Variants in GPC6 observed in about 807,000 individuals in gnomAD.
GPC6 encodes the protein glypican 6, also known as glypican-6.
A neutral mutation model predicts 55.2 loss-of-function variants in GPC6; 14 were observed. The ratio of observed to expected loss-of-function variants is 0.25; its 90% CI spans 0.17 to 0.40. The LOEUF is 0.40. Among genes scored for constraint, GPC6 ranks in the 10% least tolerant of loss-of-function variants. The pLI, the probability that GPC6 is intolerant of heterozygous loss-of-function variation, is 1.00. For missense variants in GPC6, 641 were observed against 708.5 expected (o/e 0.90, Z 1.08); for synonymous variants, 278 against 259.6 (o/e 1.07, Z -0.68).
At chr13:93,567,274 T>G (rs1876176443) in intron 2 of GPC6, among the ~76,000 whole-genome samples, 1 of 152,170 alleles carries the variant, frequency 6.6e-6, no homozygotes, top group Admixed American at 6.5e-5. Context: ...AGTGACTACC[T>G]TGTTTGTTTG....
intron 2 of GPC6, among the ~76,000 whole-genome samples, chr13:93,715,901 G>A (rs1379380883): frequency 6.6e-6 from 1 of 151,544 alleles, no homozygotes; most frequent in African/African-American, 2.4e-5. Context: ...GCACATTAAA[G>A]TTTGAGAAGC....
At chr13:93,449,878 G>T (rs763027431) in intron 1 of GPC6, among the ~76,000 whole-genome samples, 2 of 150,612 alleles carry the variant, frequency 1.3e-5, no homozygotes, top group Non-Finnish European at 3.0e-5. Context: ...TTTCCAAAAA[G>T]AACTTCCCTG....
chr13:93,846,500 T>C (rs1300856807), intron 3 of GPC6, among the ~76,000 whole-genome samples: 1 of 152,208 alleles, frequency 6.6e-6, no homozygotes, highest in East Asian at 1.9e-4. Context: ...AGGAATATGA[T>C]GTGAGCCACA....
chr13:93,976,356 C>CA (rs1880515553), intron 3 of GPC6, among the ~76,000 whole-genome samples: 1 of 151,900 alleles, frequency 6.6e-6, no homozygotes, highest in African/African-American at 2.4e-5. Flanking sequence ...TATCTTTAAA[C>CA]TCTGTTAATC....
Position 93,679,881 on chromosome 13 carries a change from T to C in GPC6, c.319+134460T>C, listed in dbSNP as rs140981970. On this transcript the variant is annotated intron_variant, in intron 2 of 8. Transcript: ENST00000377047. ...CTGTCCCCAAGGATATGTGCACACA[T>C]ATTATTATAATTATAATAGGCTAAA... Among the ~76,000 whole-genome samples the C allele has an allele frequency of 1.7e-3, 263 of 151,456 alleles. 2 individuals carry two copies. Among genetic ancestry groups the C allele is most frequent in the African/African-American group, 6.0e-3 (248 of 41,264 alleles).
intron 1 of GPC6, among the ~76,000 whole-genome samples, chr13:93,261,580 A>G: frequency 6.6e-6 from 1 of 152,208 alleles, no homozygotes; most frequent in East Asian, 1.9e-4. Context: ...ATTTCTTTGC[A>G]TGGAATAAAA....
chr13:94,329,834 C>T (rs1243747313), intron 6 of GPC6, among the ~76,000 whole-genome samples: 2 of 152,076 alleles, frequency 1.3e-5, no homozygotes, highest in African/African-American at 4.8e-5. Context: ...AAAAAAAATC[C>T]CTGGGTCAGA....
intron 4 of GPC6, among the ~76,000 whole-genome samples, chr13:94,131,596 G>T (rs976911975): frequency 1.3e-5 from 2 of 151,976 alleles, no homozygotes; most frequent in African/African-American, 4.8e-5. Flanking sequence ...AATCTTAATG[G>T]GTCATTTCTT....
At chr13:94,255,389 G>A (rs1331482285) in intron 4 of GPC6, among the ~76,000 whole-genome samples, 1 of 152,032 alleles carries the variant, frequency 6.6e-6, no homozygotes, top group Non-Finnish European at 1.5e-5. Context: ...ATCCCATTTT[G>A]GAAATGACAT....
At chr13:93,646,865 A>G (rs1880194335) in intron 2 of GPC6, among the ~76,000 whole-genome samples, 1 of 152,082 alleles carries the variant, frequency 6.6e-6, no homozygotes, top group Admixed American at 6.6e-5. Context: ...CATGAAAAAA[A>G]AAAAACAAAA....
At chr13:93,909,847 A>C (rs900807884) in intron 3 of GPC6, among the ~76,000 whole-genome samples, 21 of 152,066 alleles carry the variant, frequency 1.4e-4, no homozygotes, top group African/African-American at 5.1e-4. Context: ...ATTTATATAT[A>C]ATTTATCTCC....
chr13:93,472,212 C>G (rs1879144728), intron 1 of GPC6, among the ~76,000 whole-genome samples: 1 of 152,092 alleles, frequency 6.6e-6, no homozygotes, highest in Admixed American at 6.5e-5. Flanking sequence ...TTTATTTTTA[C>G]TGATCTTTGG....
intron 2 of GPC6, among the ~76,000 whole-genome samples, chr13:93,576,647 T>C (rs1010262328): frequency 6.6e-6 from 1 of 152,190 alleles, no homozygotes; most frequent in Non-Finnish European, 1.5e-5. Flanking sequence ...TTATTGATAG[T>C]GTCATGCTAA....
At chr13:93,537,247 C>T (rs574766109) in intron 1 of GPC6, among the ~76,000 whole-genome samples, 2 of 152,236 alleles carry the variant, frequency 1.3e-5, no homozygotes, top group Admixed American at 6.5e-5. Context: ...CTTGCTAAAC[C>T]TTTGCTCTTC....
chr13:93,414,086 T>C (rs1001521882), intron 1 of GPC6, among the ~76,000 whole-genome samples: 2 of 152,172 alleles, frequency 1.3e-5, no homozygotes, highest in Admixed American at 6.6e-5. Flanking sequence ...TATTTGCCTA[T>C]GCTAATTATA....
chr13:93,723,465 A>T (rs528954149), intron 2 of GPC6, among the ~76,000 whole-genome samples: 2 of 152,094 alleles, frequency 1.3e-5, no homozygotes, highest in Non-Finnish European at 2.9e-5. Context: ...ATGATTTCAC[A>T]TCAGATTGCA....
At chr13:94,209,226 T>C (rs1889998973) in intron 4 of GPC6, among the ~76,000 whole-genome samples, 1 of 152,190 alleles carries the variant, frequency 6.6e-6, no homozygotes. Flanking sequence ...AAGGCAATAA[T>C]GTGACTCATG....
intron 1 of GPC6, among the ~76,000 whole-genome samples, chr13:93,402,176 T>G (rs1876115070): frequency 6.6e-6 from 1 of 152,166 alleles, no homozygotes; most frequent in Admixed American, 6.6e-5. Flanking sequence ...ACAGCAGTGC[T>G]AATAAGGAAT....
intron 2 of GPC6, among the ~76,000 whole-genome samples, chr13:93,734,138 T>C (rs1883919715): frequency 1.3e-5 from 2 of 152,028 alleles, no homozygotes; most frequent in South Asian, 4.1e-4. Flanking sequence ...GTTGTTTTAG[T>C]AAAAACAAAA....
Sources: gnomAD v4.1 joint callset for allele counts (sites outside exome capture counted in the v4.1 genomes callset) on GRCh38, gnomAD v4.1.1 for gene constraint, MANE v1.5 for transcripts, NCBI Gene and HGNC (gene_info 2026-07-23, HGNC 2026-07-21) for gene names.